Variants in PEX1 observed in about 807,000 individuals in gnomAD.
PEX1 encodes peroxisomal ATPase PEX1.
In PEX1, 97 loss-of-function variants were observed where a neutral mutation model predicts 152.5. That is an observed-to-expected ratio of 0.64 (90% CI 0.54 to 0.75). The LOEUF is 0.75. Among genes scored for constraint, PEX1 ranks in the 30% least tolerant of loss-of-function variants. The probability of loss-of-function intolerance (pLI) is 0.00; values close to 1 mark genes in which losing one functional copy is unlikely to be tolerated. For synonymous variants in PEX1, 485 were observed against 531.6 expected (o/e 0.91, Z 1.21); for missense variants, 1,357 against 1,516.3 (o/e 0.89, Z 1.74).
chr7:92,488,020 T>C (rs542727144), intron 23 of PEX1, among the ~76,000 whole-genome samples: 1 of 152,354 alleles, frequency 6.6e-6, no homozygotes, highest in South Asian at 2.1e-4. Flanking sequence ...TGTGCATATA[T>C]TCAGCTGCAA....
chr7:92,493,925 C>T (rs982993866), intron 19 of PEX1: 1 of 268,078 alleles, frequency 3.7e-6, no homozygotes, highest in Non-Finnish European at 7.2e-6. Flanking sequence ...CTCTATGAAA[C>T]CTGCTTACAT....
chr7:92,524,759 A>T (rs868738126), intron 1 of PEX1, among the ~76,000 whole-genome samples: 3 of 152,182 alleles, frequency 2.0e-5, no homozygotes, highest in South Asian at 2.1e-4. Context: ...AATTCTTTCA[A>T]CTGAGTGTAT....
rs779308096 is a variant in PEX1, at chr7:92,504,720, G to A, written c.2071+12C>T. 6.2e-7 allele frequency: 1 copy of A among 1,612,950 alleles called. No homozygotes were observed. Among genetic ancestry groups the A allele is most frequent in the South Asian group, 1.1e-5 (1 of 91,042 alleles). On this transcript the variant is annotated intron_variant, in intron 12 of 23. Transcript: ENST00000248633. The stretch of plus-strand genomic sequence containing the variant: ...AAGAACAAGACCTTAAGCCAGTGGT[G>A]GATGCATTTACCATGAGCAAGCCGC...
rs1461178264 is a variant in PEX1, at chr7:92,489,447, G to A, written c.3637-24C>T. ...TCCTTAAGTAAAAAAAGAAATTGAC[G>A]AAGAGTTAAATTAAGGATGTAAAAA... On this transcript the variant is annotated intron_variant, in intron 22 of 23. Transcript: ENST00000248633. 6.9e-6 allele frequency: 11 copies of A among 1,604,866 alleles called. No individual in the cohort carries two copies. In the East Asian group the frequency reaches 8.9e-5, roughly 13 times the overall value.
At chr7:92,489,663 A>T in intron 22 of PEX1, 51 bp downstream of exon 22, 1 of 1,520,902 alleles carries the variant, frequency 6.6e-7, no homozygotes, top group East Asian at 2.3e-5. Flanking sequence ...AAAAGGGTGA[A>T]ACAATTTTTA....
chr7:92,528,221 A>C, intron 1 of PEX1, 86 bp downstream of exon 1: 1 of 1,522,466 alleles, frequency 6.6e-7, no homozygotes, highest in South Asian at 1.2e-5. Context: ...CCCGGGTGGC[A>C]GCCGGTGTCC....
Position 92,503,203 on chromosome 7 carries a change from T to C in PEX1, c.2072-8A>G. 2 of 1,612,374 alleles carry C rather than the reference T, an allele frequency of 1.2e-6. No individual in the cohort carries two copies. Among genetic ancestry groups the C allele is most frequent in the Non-Finnish European group, 1.7e-6 (2 of 1,178,808 alleles). On this transcript the variant is annotated splice_region_variant and splice_polypyrimidine_tract_variant and intron_variant, in intron 12 of 23. Transcript: ENST00000248633. Reference sequence around the variant, plus strand: ...TTATCATATCATTCAAAGCTGGAATTAAGCAATATAGTGCAAAAGCTTAGG... The same window carrying C: ...TTATCATATCATTCAAAGCTGGAATCAAGCAATATAGTGCAAAAGCTTAGG...
At chr7:92,509,267 A>G in intron 9 of PEX1, 62 bp downstream of exon 9, 1 of 1,068,672 alleles carries the variant, frequency 9.4e-7, no homozygotes. Flanking sequence ...TTACATTGAA[A>G]ACTCTGCCAG....
Position 92,493,004 on chromosome 7 carries a change from G to T in PEX1, c.3156C>A (p.Tyr1052Ter). 1 of 1,613,822 alleles carries T rather than the reference G, an allele frequency of 6.2e-7. No individual in the cohort carries two copies. Among genetic ancestry groups the T allele is most frequent in the East Asian group, 2.2e-5 (1 of 44,862 alleles). ...FTGADLKALLYNAQLEALHGM... is the reference protein window; with the variant it reads ...FTGADLKALL ...CATGTAAGGCCTCCAATTGGGCATTGTAAAGTAAAGCTTTCAGATCAGCTC... is the reference window on the plus strand; with the variant it reads ...CATGTAAGGCCTCCAATTGGGCATTTTAAAGTAAAGCTTTCAGATCAGCTC... Residue 1052 changes from tyrosine (Y) to a stop codon, truncating the protein, a stop_gained, in exon 20 of 24, where the codon TAC (tyrosine) becomes TAA (stop). Transcript: ENST00000248633. LOFTEE classifies it high-confidence loss of function.
At chr7:92,525,958 A>C (rs1378470759) in intron 1 of PEX1, among the ~76,000 whole-genome samples, 1 of 152,226 alleles carries the variant, frequency 6.6e-6, no homozygotes, top group Non-Finnish European at 1.5e-5. Flanking sequence ...AAAATGACTG[A>C]GGGAAGAATG....
chr7:92,527,407 G>A (rs1788440296), intron 1 of PEX1, among the ~76,000 whole-genome samples: 1 of 151,406 alleles, frequency 6.6e-6, no homozygotes, highest in African/African-American at 2.4e-5. Context: ...CTACTTAGTG[G>A]TAAAAAATAA....
intron 1 of PEX1, 29 bp downstream of exon 1, chr7:92,528,278 G>T (rs1490232811): frequency 6.5e-7 from 1 of 1,548,812 alleles, no homozygotes; most frequent in East Asian, 2.4e-5. Context: ...CCAGGCTGAA[G>T]ATCAGGTGGC....
Position 92,503,212 on chromosome 7 carries a change from T to C in PEX1, c.2072-17A>G, listed in dbSNP as rs557824423. The C allele has an allele frequency of 1.1e-5, 18 of 1,609,936 alleles. No homozygotes were observed. Among genetic ancestry groups the C allele is most frequent in the African/African-American group, 9.3e-5 (7 of 74,968 alleles). On this transcript the variant is annotated splice_polypyrimidine_tract_variant and intron_variant, in intron 12 of 23. Transcript: ENST00000248633. ...CATTCAAAGCTGGAATTAAGCAATA[T>C]AGTGCAAAAGCTTAGGAAAAGTAAA... is the stretch of plus-strand genomic sequence containing the variant.
rs774647178 is a variant in PEX1, at chr7:92,517,366, C to A, written c.1149G>T (p.Val383=). ...CAAGTCCATTCCAGACTACTTGTAG[C>A]ACACAGGCCTTCTCATCTTCTTCAT... is the stretch of plus-strand genomic sequence containing the variant. ...DHNEEDEKAC[V]LQVVWNGLEE... is the part of the protein sequence containing the mutation. Residue 383 remains valine, a synonymous_variant, in exon 5 of 24, where the codon GTG becomes GTT. Coordinates refer to ENST00000248633, the MANE Select transcript of PEX1 (RefSeq NM_000466.3). 1.9e-6 allele frequency: 3 copies of A among 1,613,656 alleles called. No individual in the cohort carries two copies. The highest frequency in any genetic ancestry group is 2.2e-5 in the South Asian group (2 of 91,058).
At chr7:92,503,983 T>C (rs569484803) in intron 12 of PEX1, among the ~76,000 whole-genome samples, 1 of 152,234 alleles carries the variant, frequency 6.6e-6, no homozygotes, top group South Asian at 2.1e-4. Flanking sequence ...CAACATATCA[T>C]TACTTCCTGT....
Position 92,494,552 on chromosome 7 carries a change from G to T in PEX1, c.2861C>A (p.Thr954Lys). ...SIAPRRGHDN[T>K]GVTDRVVNQL... is the part of the protein sequence containing the mutation. ...GTTAACTACTCGGTCTGTAACTCCT[G>T]TATTATCATGACCCCGCCGAGGAGC... is the stretch of plus-strand genomic sequence containing the variant. Residue 954 changes from threonine to lysine, a missense_variant, in exon 18 of 24, where the codon ACA becomes AAA. By Grantham distance (78) the Thr-to-Lys change is moderately conservative. Transcript: ENST00000248633. 1 of 1,613,714 alleles carries T rather than the reference G, an allele frequency of 6.2e-7. No individual in the cohort carries two copies. The highest frequency in any genetic ancestry group is 8.5e-7 in the Non-Finnish European group (1 of 1,179,662).
At chr7:92,488,749 A>C (rs1174407588) in intron 23 of PEX1, among the ~76,000 whole-genome samples, 1 of 125,322 alleles carries the variant, frequency 8.0e-6, no homozygotes, top group South Asian at 2.5e-4. Flanking sequence ...TTTTTTTTTG[A>C]GACACAGTCT....
Position 92,517,583 on chromosome 7 carries a change from G to A in PEX1, c.932C>T (p.Ala311Val). The A allele has an allele frequency of 6.2e-7, 1 of 1,613,952 alleles. No homozygotes were observed. Among genetic ancestry groups the A allele is most frequent in the Non-Finnish European group, 8.5e-7 (1 of 1,179,938 alleles). Residue 311 changes from alanine to valine, a missense_variant, in exon 5 of 24, where the codon GCC becomes GTC. Transcript: ENST00000248633. ...CTGGTCCCATGGAAATACATGAATG[G>A]CACAGTGTTTATGAAAAACAGAGGT... Reference protein sequence around the residue: ...SATSVFHKHCAIHVFPWDQEY... With the variant: ...SATSVFHKHCVIHVFPWDQEY...
rs772798089 is a variant in PEX1 at position 92,517,733 on chromosome 7, T to G, written c.782A>C (p.Gln261Pro). The G allele has an allele frequency of 6.2e-7, 1 of 1,609,970 alleles. No individual in the cohort carries two copies. The highest frequency in any genetic ancestry group is 8.5e-7 in the Non-Finnish European group (1 of 1,177,444). ...TTCAGTTAAACCCCAAGATGTCTCTTGTTTCTTCTCAGATTGAAAGGAAAA... is the reference window on the plus strand; with the variant it reads ...TTCAGTTAAACCCCAAGATGTCTCTGGTTTCTTCTCAGATTGAAAGGAAAA... ...SIFSFQSEKK[Q>P]ETSWGLTEIN... is the part of the protein sequence containing the mutation. The change falls in exon 5 of 24, where the codon CAA (glutamine) becomes CCA (proline). Residue 261 changes from glutamine (Q) to proline (P), a missense_variant. Gln to Pro is a moderately conservative substitution (Grantham distance 76). Coordinates refer to ENST00000248633, the MANE Select transcript of PEX1 (RefSeq NM_000466.3).
Sources: allele counts gnomAD v4.1 joint callset (sites outside exome capture counted in the v4.1 genomes callset), GRCh38; gene constraint gnomAD v4.1.1; transcripts MANE v1.5; gene names NCBI Gene and HGNC (gene_info 2026-07-23, HGNC 2026-07-21).